KIAA0825: variants seen among roughly 807,000 people sequenced by gnomAD.
The protein encoded by KIAA0825 is uncharacterized protein KIAA0825.
In KIAA0825, 119 loss-of-function variants were observed where a neutral mutation model predicts 147.6. The ratio of observed to expected loss-of-function variants is 0.81; its 90% confidence interval spans 0.69 to 0.94. KIAA0825 has a LOEUF of 0.94. KIAA0825 is among the 40% of genes least tolerant of loss of function. The pLI is 0.00. For synonymous variants in KIAA0825, 470 were observed against 518.1 expected (o/e 0.91, Z 1.26); for missense variants, 1,381 against 1,472.7 (o/e 0.94, Z 1.02).
At chr5:94,398,553 A>G (rs1240496645) in intron 16 of KIAA0825, among the ~76,000 whole-genome samples, 1 of 152,162 alleles carries the variant, frequency 6.6e-6, no homozygotes, top group Non-Finnish European at 1.5e-5. Flanking sequence ...TATATTATAT[A>G]TATGACCATT....
intron 5 of KIAA0825, among the ~76,000 whole-genome samples, chr5:94,512,712 G>A (rs1388557347): frequency 6.6e-6 from 1 of 151,752 alleles, no homozygotes; most frequent in Non-Finnish European, 1.5e-5. Context: ...TGCCAACATG[G>A]CTACTAAACC....
At chr5:94,367,908 G>A (rs1746099798) in intron 20 of KIAA0825, among the ~76,000 whole-genome samples, 1 of 152,190 alleles carries the variant, frequency 6.6e-6, no homozygotes, top group African/African-American at 2.4e-5. Flanking sequence ...TGTGGAAGCA[G>A]CCTTAAATGT....
intron 3 of KIAA0825, among the ~76,000 whole-genome samples, chr5:94,534,445 A>C (rs1771556932): frequency 2.0e-5 from 3 of 152,178 alleles, no homozygotes; most frequent in African/African-American, 4.8e-5. Flanking sequence ...CTTGATTCTA[A>C]ATGTAGTATA....
At chr5:94,504,746 C>CTTTTTTTTTTTTT (rs564291886) in intron 5 of KIAA0825, among the ~76,000 whole-genome samples, 1 of 122,982 alleles carries the variant, frequency 8.1e-6, no homozygotes, top group Non-Finnish European at 1.7e-5. Flanking sequence ...TTTTTCTTTT[C>CTTTTTTTTTTTTT]TTTTTTTTTT....
chr5:94,559,818 C>G (rs1777235465), intron 2 of KIAA0825, among the ~76,000 whole-genome samples: 1 of 152,154 alleles, frequency 6.6e-6, no homozygotes, highest in African/African-American at 2.4e-5. Context: ...TCTTTAAACT[C>G]ATGATGGGGA....
intron 20 of KIAA0825, among the ~76,000 whole-genome samples, chr5:94,287,708 C>G (rs1777719407): frequency 6.6e-6 from 1 of 152,138 alleles, no homozygotes; most frequent in South Asian, 2.1e-4. Flanking sequence ...AATAAATGAA[C>G]TTGTGAAATG....
intron 20 of KIAA0825, among the ~76,000 whole-genome samples, chr5:94,173,488 T>C (rs1768818717): frequency 6.6e-6 from 1 of 152,144 alleles, no homozygotes. Context: ...AGTCTTTCCA[T>C]ATGGCCTGGG....
At chr5:94,165,603 G>A (rs886341556) in intron 20 of KIAA0825, among the ~76,000 whole-genome samples, 3 of 152,122 alleles carry the variant, frequency 2.0e-5, no homozygotes, top group Admixed American at 2.0e-4. Flanking sequence ...AGCAACTTAA[G>A]CGTCCAACAA....
At chr5:94,281,661 T>C (rs1423584837) in intron 20 of KIAA0825, among the ~76,000 whole-genome samples, 1 of 152,064 alleles carries the variant, frequency 6.6e-6, no homozygotes, top group Non-Finnish European at 1.5e-5. Flanking sequence ...TTCCTGGCCT[T>C]ACCTACCACA....
intron 20 of KIAA0825, among the ~76,000 whole-genome samples, chr5:94,370,348 G>A (rs1489766078): frequency 1.3e-5 from 2 of 152,098 alleles, no homozygotes; most frequent in East Asian, 3.9e-4. Flanking sequence ...CAACTGTGAT[G>A]ATTGTTAAAC....
At chr5:94,336,935 T>C (rs1317129979) in intron 20 of KIAA0825, among the ~76,000 whole-genome samples, 6 of 152,200 alleles carry the variant, frequency 3.9e-5, no homozygotes, top group Non-Finnish European at 7.3e-5. Flanking sequence ...ATGGATCATA[T>C]GCTAGGCCAT....
intron 16 of KIAA0825, among the ~76,000 whole-genome samples, chr5:94,401,514 G>A (rs1367955081): frequency 6.6e-6 from 1 of 152,060 alleles, no homozygotes; most frequent in East Asian, 1.9e-4. Context: ...TGTGCTGAAA[G>A]CTAAAGAAGG....
chr5:94,373,301 C>T (rs180991136), intron 20 of KIAA0825, among the ~76,000 whole-genome samples: 6 of 152,282 alleles, frequency 3.9e-5, no homozygotes, highest in African/African-American at 1.2e-4. Flanking sequence ...AGCACCCCCT[C>T]CTCCCTTGGT....
At chr5:94,336,866 A>G (rs999322936) in intron 20 of KIAA0825, among the ~76,000 whole-genome samples, 6 of 152,196 alleles carry the variant, frequency 3.9e-5, no homozygotes, top group Non-Finnish European at 7.3e-5. Context: ...GAACTAATTT[A>G]CACTCCCACC....
At chr5:94,465,245 C>T (rs1014156675) in intron 10 of KIAA0825, among the ~76,000 whole-genome samples, 186 bp from the exon 11 acceptor site, 1 of 152,280 alleles carries the variant, frequency 6.6e-6, no homozygotes, top group East Asian at 1.9e-4. Flanking sequence ...TGTTTTATTT[C>T]GAGACTAGAT....
chr5:94,398,544 ATAT>A (rs1455663375), intron 16 of KIAA0825, among the ~76,000 whole-genome samples: 8 of 152,172 alleles, frequency 5.3e-5, no homozygotes, highest in African/African-American at 1.9e-4. Flanking sequence ...TTATTTGAGT[ATAT>A]TATATATATG....
At chr5:94,302,591 C>T (rs184512998) in intron 20 of KIAA0825, among the ~76,000 whole-genome samples, 1 of 152,178 alleles carries the variant, frequency 6.6e-6, no homozygotes, top group East Asian at 1.9e-4. Flanking sequence ...CATCTGGTTG[C>T]TTATGGATAA....
chr5:94,383,968 G>T lies in KIAA0825; in HGVS notation c.3710+400C>A, dbSNP rs558626224. Among the ~76,000 whole-genome samples the T allele has an allele frequency of 2.6e-5, 4 of 152,098 alleles. No individual in the cohort carries two copies. The South Asian group carries it at 8.3e-4, about 32-fold the overall frequency. On this transcript the variant is annotated intron_variant, in intron 20 of 20. Transcript: ENST00000682413. The stretch of plus-strand genomic sequence containing the variant: ...GTTGATTTGGCTTGGCATTTTATAC[G>T]CATTCATTAAGTTGTTGTAAACAAA...
intron 5 of KIAA0825, among the ~76,000 whole-genome samples, chr5:94,503,439 T>C (rs763179100): frequency 6.6e-6 from 1 of 152,158 alleles, no homozygotes; most frequent in Non-Finnish European, 1.5e-5. Flanking sequence ...ATGCTCCTGG[T>C]TACATTTTGG....
Sources: gnomAD v4.1 joint callset for allele counts (sites outside exome capture counted in the v4.1 genomes callset) on GRCh38, gnomAD v4.1.1 for gene constraint, MANE v1.5 for transcripts, NCBI Gene and HGNC (gene_info 2026-07-23, HGNC 2026-07-21) for gene names.